VRK2: variants seen among roughly 807,000 people sequenced by gnomAD.
The protein encoded by VRK2 is VRK serine/threonine kinase 2.
A neutral mutation model predicts 57.6 loss-of-function variants in VRK2; 60 were observed. The observed-to-expected ratio is 1.04, with a 90% CI of 0.85 to 1.29. VRK2 has a LOEUF of 1.29. VRK2 is among the 50% of genes most tolerant of loss of function. The pLI, the probability that VRK2 is intolerant of heterozygous loss-of-function variation, is 0.00. For synonymous variants in VRK2, 231 were observed against 199.2 expected, an observed-to-expected ratio of 1.16 and a Z score of -1.35; for missense variants, 705 against 588.1, an observed-to-expected ratio of 1.20 and a Z score of -2.06.
At chr2:58,019,461 G>A (rs1219447653) in intron 1 of VRK2, among the ~76,000 whole-genome samples, 1 of 152,088 alleles carries the variant, frequency 6.6e-6, no homozygotes, top group Non-Finnish European at 1.5e-5. Flanking sequence ...CAATTGTCTA[G>A]GTAACTGCAG....
At chr2:57,974,225 C>T (rs976895972) in intron 1 of VRK2, among the ~76,000 whole-genome samples, 2 of 151,842 alleles carry the variant, frequency 1.3e-5, no homozygotes, top group Admixed American at 6.6e-5. Context: ...GAAAGAAAAA[C>T]TGATAAAGCT....
intron 1 of VRK2, among the ~76,000 whole-genome samples, chr2:57,963,979 CTTTCTT>C (rs1333705509): frequency 6.6e-6 from 1 of 152,176 alleles, no homozygotes; most frequent in Non-Finnish European, 1.5e-5. Context: ...CCGCCTCTAT[CTTTCTT>C]CAGTTTTTAC....
chr2:57,928,740 G>C (rs1050304976), intron 1 of VRK2, among the ~76,000 whole-genome samples: 13 of 152,140 alleles, frequency 8.5e-5, no homozygotes, highest in Non-Finnish European at 1.6e-4. Flanking sequence ...TATGTTTTTA[G>C]TCTCTGCAGC....
chr2:57,913,474 T>C (rs1387235727), intron 1 of VRK2, among the ~76,000 whole-genome samples: 1 of 152,156 alleles, frequency 6.6e-6, no homozygotes, highest in Non-Finnish European at 1.5e-5. Flanking sequence ...AATCTCCTTT[T>C]TCTGTTTTCA....
intron 9 of VRK2, 84 bp from the exon 10 acceptor site, chr2:58,135,057 A>C: frequency 6.8e-7 from 1 of 1,472,720 alleles, no homozygotes; most frequent in Non-Finnish European, 9.4e-7. Flanking sequence ...GTGACCTACC[A>C]ACACATAGAG....
chr2:58,058,753 T>C (rs561751575), intron 2 of VRK2, among the ~76,000 whole-genome samples: 51 of 152,156 alleles, frequency 3.4e-4, no homozygotes, highest in Admixed American at 1.2e-3. Flanking sequence ...TTAAGTGCAT[T>C]GCATGAATTA....
rs558207800 is a variant in VRK2, at chr2:58,109,967, G to C, written c.544-13134G>C. Reference sequence around the variant, plus strand: ...ACCCATCCATCTGGAAAAATAAAGCGGTGTAAAAGCCTACAAGCATCAGGA... The same window carrying C: ...ACCCATCCATCTGGAAAAATAAAGCCGTGTAAAAGCCTACAAGCATCAGGA... On this transcript the variant is annotated intron_variant, in intron 7 of 12. Coordinates refer to ENST00000340157, the MANE Select transcript of VRK2 (RefSeq NM_006296.7). Among the ~76,000 whole-genome samples, 15 of 152,172 alleles carry C rather than the reference G, an allele frequency of 9.9e-5. No individual in the cohort carries two copies. In the South Asian group the frequency reaches 2.9e-3, roughly 29 times the overall value.
intron 1 of VRK2, among the ~76,000 whole-genome samples, chr2:57,925,430 A>T (rs571131113): frequency 6.6e-6 from 1 of 152,104 alleles, no homozygotes; most frequent in African/African-American, 2.4e-5. Context: ...ATCTTGGTAG[A>T]TTGTATGTGT....
chr2:58,127,360 G>C (rs1678519887), intron 8 of VRK2, among the ~76,000 whole-genome samples: 2 of 151,972 alleles, frequency 1.3e-5, no homozygotes, highest in Non-Finnish European at 2.9e-5. Context: ...TACTTACATT[G>C]GCCAAGTCTA....
chr2:57,961,939 C>T (rs7581832), intron 1 of VRK2, among the ~76,000 whole-genome samples: 7,485 of 151,946 alleles, frequency 0.049, 652 homozygotes, highest in African/African-American at 0.17. Flanking sequence ...TAGCTGGGCA[C>T]GGTGGCAAAT....
intron 5 of VRK2, among the ~76,000 whole-genome samples, chr2:58,088,026 A>G (rs1336899267): frequency 6.6e-6 from 1 of 152,158 alleles, no homozygotes; most frequent in Non-Finnish European, 1.5e-5. Flanking sequence ...GTTCAAGGCC[A>G]TATGGCAAGA....
chr2:58,073,153 A>G (rs919070019), intron 2 of VRK2, among the ~76,000 whole-genome samples: 4 of 151,974 alleles, frequency 2.6e-5, no homozygotes, highest in African/African-American at 9.7e-5. Context: ...ATTTAATTCC[A>G]TTTTGGTCTG....
chr2:58,142,558 C>T (rs908719345), intron 11 of VRK2, among the ~76,000 whole-genome samples: 1 of 151,706 alleles, frequency 6.6e-6, no homozygotes, highest in East Asian at 1.9e-4. Context: ...CTGGGGGCTC[C>T]TGAGTTAGCA....
Position 57,926,734 on chromosome 2 carries a change from C to CT in VRK2, c.-439+18904dup, listed in dbSNP as rs200167473. Among the ~76,000 whole-genome samples the CT allele has an allele frequency of 3.4e-4, 50 of 148,778 alleles. No homozygotes were observed. In the East Asian group the frequency reaches 4.9e-3, roughly 15 times the overall value. ...TCCCTTTTTTTAGTCTTTTTTTCAT[C>CT]TTTTTTTTTCAGTCTTTATAGATGA... On this transcript the variant is annotated intron_variant, in intron 1 of 15. Coordinates refer to the VRK2 transcript ENST00000417641.
chr2:57,932,150 T>G (rs1257368588), intron 1 of VRK2, among the ~76,000 whole-genome samples: 1 of 152,140 alleles, frequency 6.6e-6, no homozygotes, highest in Admixed American at 6.5e-5. Flanking sequence ...CTATTCTATA[T>G]ATAGCATTTT....
At position 57,936,312 on chromosome 2, in the gene VRK2, T is replaced by A. The variant is rs545505964; in HGVS notation, c.-439+28473T>A. Among the ~76,000 whole-genome samples, 12 of 152,330 alleles carry A rather than the reference T, an allele frequency of 7.9e-5. No individual in the cohort carries two copies. In the South Asian group the frequency reaches 1.9e-3, roughly 24 times the overall value. On this transcript the variant is annotated intron_variant, in intron 1 of 15. Coordinates refer to the VRK2 transcript ENST00000417641. ...TTGTCAACATAATTTCTCTTGAACC[T>A]TATAGGCTGATTTTTCCAGCATTTT...
intron 1 of VRK2, among the ~76,000 whole-genome samples, chr2:57,914,202 C>T (rs753434438): frequency 4.0e-5 from 6 of 150,930 alleles, no homozygotes; most frequent in Non-Finnish European, 7.4e-5. Context: ...GCTCTGAGGT[C>T]AGATAGCCAA....
chr2:58,028,903 AATATATATATATATATATATATATAT>A (rs58729342), intron 2 of VRK2, among the ~76,000 whole-genome samples: 1,542 of 54,062 alleles, frequency 0.029, 43 homozygotes, highest in Non-Finnish European at 0.037. Context: ...TAAATAAATA[AATATATATATATATATATATATATAT>A]ATATATATAT....
At chr2:58,154,321 C>T (rs1035123572) in intron 12 of VRK2, among the ~76,000 whole-genome samples, 8 of 146,124 alleles carry the variant, frequency 5.5e-5, no homozygotes, top group Non-Finnish European at 1.1e-4. Flanking sequence ...CTTTGGATTT[C>T]TTTTTTTTTT....
Sources: gnomAD v4.1 joint callset for allele counts (sites outside exome capture counted in the v4.1 genomes callset) on GRCh38, gnomAD v4.1.1 for gene constraint, MANE v1.5 for transcripts, NCBI Gene and HGNC (gene_info 2026-07-23, HGNC 2026-07-21) for gene names.